SCN1A: variants seen among roughly 807,000 people sequenced by gnomAD.
SCN1A encodes the protein sodium channel protein type 1 subunit alpha.
In SCN1A, 13 loss-of-function variants were observed where a neutral mutation model predicts 193.7. That is an observed-to-expected ratio of 0.07 (90% confidence interval 0.04 to 0.11). SCN1A has a LOEUF of 0.11. Among genes scored for constraint, SCN1A ranks in the 10% least tolerant of loss-of-function variants. The probability of loss-of-function intolerance (pLI) is 1.00; values close to 1 mark genes in which losing one functional copy is unlikely to be tolerated. For missense variants in SCN1A, 1,432 were observed against 2,451.1 expected, an observed-to-expected ratio of 0.58 and a Z score of 8.78; for synonymous variants, 781 against 843.6, an observed-to-expected ratio of 0.93 and a Z score of 1.29.
At chr2:166,022,799 A>G (rs1694240345) in intron 19 of SCN1A, among the ~76,000 whole-genome samples, 1 of 152,230 alleles carries the variant, frequency 6.6e-6, no homozygotes, top group African/African-American at 2.4e-5. Flanking sequence ...TTAAGTACCA[A>G]CAACCAGGCT....
intron 13 of SCN1A, among the ~76,000 whole-genome samples, chr2:166,044,742 G>T (rs958392041): frequency 6.6e-6 from 1 of 151,766 alleles, no homozygotes; most frequent in Non-Finnish European, 1.5e-5. Flanking sequence ...TCTTAAAAGT[G>T]CTGAGGATCA....
At chr2:166,022,322 A>G (rs1411139035) in intron 19 of SCN1A, among the ~76,000 whole-genome samples, 1 of 151,924 alleles carries the variant, frequency 6.6e-6, no homozygotes, top group Non-Finnish European at 1.5e-5. Context: ...AGCTAATGCA[A>G]AGAGCTATTA....
chr2:166,058,745 T>C, intron 4 of SCN1A, 57 bp from the exon 5 acceptor site: 2 of 940,326 alleles, frequency 2.1e-6, no homozygotes, highest in Admixed American at 3.5e-5. Flanking sequence ...TAAACTCTGT[T>C]ATCTACTTTC....
chr2:166,132,101 C>T (rs571037181), upstream of SCN1A, among the ~76,000 whole-genome samples: 1 of 152,218 alleles, frequency 6.6e-6, no homozygotes, highest in South Asian at 2.1e-4. Context: ...GAGGTGGTAT[C>T]CCAAAGGAGA....
intron 2 of SCN1A, among the ~76,000 whole-genome samples, chr2:166,118,135 G>GAA (rs894821995): frequency 1.5e-5 from 2 of 137,926 alleles, no homozygotes; most frequent in African/African-American, 5.3e-5. Flanking sequence ...GCCTAGGAAT[G>GAA]AAAAAAAAAA....
At position 166,009,725 on chromosome 2, in the gene SCN1A, C is replaced by T; in HGVS notation, c.3996G>A (p.Gly1332=). ...GTTCTTTCATTTTTCTTACCCTCAT[C>T]CCTTCAAATCGAGATAAGGCTCTTA... ...RPLRALSRFE[G]MRVVVNALLG... The change falls in exon 23 of 29, where the codon GGG becomes GGA. Residue 1332 remains glycine (G), a synonymous_variant. Transcript: ENST00000674923. 1.2e-6 allele frequency: 2 copies of T among 1,605,234 alleles called. No homozygotes were observed. The highest frequency in any genetic ancestry group is 2.2e-5 in the South Asian group (2 of 90,692).
chr2:166,037,195 G>A (rs942219624), intron 18 of SCN1A, among the ~76,000 whole-genome samples: 2 of 152,110 alleles, frequency 1.3e-5, no homozygotes, highest in East Asian at 3.9e-4. Context: ...CTCCATTATG[G>A]TAATCTCAGG....
intron 1 of SCN1A, among the ~76,000 whole-genome samples, chr2:166,127,503 A>G (rs552323482): frequency 5.9e-5 from 9 of 152,140 alleles, no homozygotes; most frequent in African/African-American, 2.2e-4. Context: ...CCAGATGCCA[A>G]GCTATTTCAG....
At chr2:166,046,567 A>G (rs1345565021) in intron 12 of SCN1A, among the ~76,000 whole-genome samples, 1 of 152,200 alleles carries the variant, frequency 6.6e-6, no homozygotes, top group Non-Finnish European at 1.5e-5. Flanking sequence ...TTAAAATAGC[A>G]TGAGAGAGTT....
intron 2 of SCN1A, chr2:166,109,418 G>C (rs1372957278): frequency 6.6e-6 from 1 of 152,110 alleles, no homozygotes; most frequent in Non-Finnish European, 1.5e-5. Flanking sequence ...TATATACTTG[G>C]TGTGGTCTTA....
At chr2:166,090,394 A>G (rs1686668901) in intron 2 of SCN1A, among the ~76,000 whole-genome samples, 1 of 152,202 alleles carries the variant, frequency 6.6e-6, no homozygotes, top group Admixed American at 6.5e-5. Context: ...CCATAACAAC[A>G]AAGAGAAGAG....
chr2:166,065,748 C>G (rs543179101), intron 4 of SCN1A, among the ~76,000 whole-genome samples: 55 of 152,154 alleles, frequency 3.6e-4, no homozygotes, highest in South Asian at 1.7e-3. Flanking sequence ...CCTTAAGCCA[C>G]AGATTACAAA....
intron 1 of SCN1A, among the ~76,000 whole-genome samples, chr2:166,141,274 C>G (rs1447378503): frequency 6.6e-6 from 1 of 151,598 alleles, no homozygotes; most frequent in African/African-American, 2.4e-5. Flanking sequence ...TTTCTCTTCC[C>G]TCAGGCCCAG....
intron 14 of SCN1A, among the ~76,000 whole-genome samples, chr2:166,043,106 C>T (rs2105838889): frequency 6.6e-6 from 1 of 152,328 alleles, no homozygotes. Flanking sequence ...TACCTTTGTA[C>T]ACAGACAATT....
intron 19 of SCN1A, chr2:166,016,605 C>T (rs1448205546): frequency 3.3e-5 from 5 of 151,970 alleles, no homozygotes; most frequent in Non-Finnish European, 7.4e-5. Context: ...AGGAAAAACT[C>T]ATGACGCTCT....
rs538065536 is a variant in SCN1A at position 166,002,940 on chromosome 2, G to A, written c.4003-187C>T. 3.7e-5 allele frequency: 17 copies of A among 465,722 alleles called. No individual in the cohort carries two copies. In the South Asian group the frequency reaches 6.9e-4, roughly 19 times the overall value. 28.8% of individuals were successfully genotyped at this position (465,722 alleles called of 1,614,324 possible). A position where few individuals can be genotyped will look rare whatever the true frequency, so the allele number is the denominator to read the frequency against. ...TTTTTTTCTTAAGCAATACACTTAGGAAAACAACTATAGGCAATATAACCA... is the reference window on the plus strand; with the variant it reads ...TTTTTTTCTTAAGCAATACACTTAGAAAAACAACTATAGGCAATATAACCA... On this transcript the variant is annotated intron_variant, in intron 23 of 28. Coordinates refer to ENST00000674923, the MANE Select transcript of SCN1A (RefSeq NM_001165963.4).
chr2:165,996,020 C>T lies in SCN1A; in HGVS notation c.4574G>A (p.Arg1525Gln), dbSNP rs1559114408. 2 of 1,596,060 alleles carry T rather than the reference C, an allele frequency of 1.3e-6. No individual in the cohort carries two copies. Among genetic ancestry groups the T allele is most frequent in the East Asian group, 2.2e-5 (1 of 44,596 alleles). The change falls in exon 27 of 29, where the codon CGA (arginine) becomes CAA (glutamine). Residue 1525 changes from arginine (R) to glutamine (Q), a missense_variant. Arg to Gln is a conservative substitution (Grantham distance 43). Transcript: ENST00000674923. ...GSKKPQKPIP[R>Q]PGNKFQGMVF... Reference sequence around the variant, plus strand: ...TCATTTGATACTTCTTACTCCTGGTCGAGGTATAGGCTTTTGCGGTTTTTT... The same window carrying T: ...TCATTTGATACTTCTTACTCCTGGTTGAGGTATAGGCTTTTGCGGTTTTTT...
At chr2:166,110,335 A>C (rs1323258592) in intron 2 of SCN1A, among the ~76,000 whole-genome samples, 1 of 152,188 alleles carries the variant, frequency 6.6e-6, no homozygotes, top group African/African-American at 2.4e-5. Context: ...TGAACCAAAC[A>C]GTTAGCCGAG....
chr2:166,076,856 C>T (rs913360094), intron 3 of SCN1A, among the ~76,000 whole-genome samples: 3 of 151,076 alleles, frequency 2.0e-5, no homozygotes, highest in Non-Finnish European at 4.4e-5. Context: ...AAAAATGAAC[C>T]TAGACCTTAT....
Sources: gnomAD v4.1 joint callset for allele counts (sites outside exome capture counted in the v4.1 genomes callset) on GRCh38, gnomAD v4.1.1 for gene constraint, MANE v1.5 for transcripts, NCBI Gene and HGNC (gene_info 2026-07-23, HGNC 2026-07-21) for gene names.